Variants in FER observed in about 807,000 individuals in gnomAD.
FER encodes the protein tyrosine-protein kinase Fer.
In FER, 63 loss-of-function variants were observed where a neutral mutation model predicts 111.0. The observed-to-expected ratio is 0.57, with a 90% CI of 0.46 to 0.70. The LOEUF (loss-of-function observed/expected upper bound fraction) is 0.70. Among genes scored for constraint, FER ranks in the 30% least tolerant of loss-of-function variants. The probability of loss-of-function intolerance (pLI) is 0.00; values close to 1 mark genes in which losing one functional copy is unlikely to be tolerated. For missense variants in FER, 914 were observed against 954.0 expected, an observed-to-expected ratio of 0.96 and a Z score of 0.55; for synonymous variants, 327 against 313.9, an observed-to-expected ratio of 1.04 and a Z score of -0.44.
chr5:109,071,725 A>G (rs1055790565), intron 16 of FER, among the ~76,000 whole-genome samples: 1 of 151,864 alleles, frequency 6.6e-6, no homozygotes, highest in East Asian at 1.9e-4. Flanking sequence ...AATTTTTATT[A>G]TGTTTCATTG....
In FER at chr5:108,876,234, T is replaced by C. The variant is rs530480213; in HGVS notation, c.923+4022T>C. Among the ~76,000 whole-genome samples, 9 of 152,338 alleles carry C rather than the reference T, an allele frequency of 5.9e-5. No individual in the cohort carries two copies. In the East Asian group the frequency reaches 1.4e-3, roughly 23 times the overall value. On this transcript the variant is annotated intron_variant, in intron 8 of 19. Coordinates refer to ENST00000281092, the MANE Select transcript of FER (RefSeq NM_005246.4). ...TGGAAAAAAATCAAAGGAAGAATTA[T>C]ATTTTGTGACACACAAAAATTATGT...
In FER at chr5:108,976,977, A is replaced by C. The variant is rs145534926; in HGVS notation, c.1656+17630A>C. On this transcript the variant is annotated intron_variant, in intron 13 of 19. Coordinates refer to ENST00000281092, the MANE Select transcript of FER (RefSeq NM_005246.4). ...TATTCAAGGTTTATGGTATTGCATA[A>C]AACATGATGAAAAATTCACAAGAAC... Among the ~76,000 whole-genome samples the C allele has an allele frequency of 7.9e-5, 12 of 152,318 alleles. No homozygotes were observed. In the East Asian group the frequency reaches 2.3e-3, roughly 29 times the overall value.
chr5:108,911,857 TATG>T (rs1751594750), intron 10 of FER, among the ~76,000 whole-genome samples: 1 of 152,138 alleles, frequency 6.6e-6, no homozygotes, highest in South Asian at 2.1e-4. Flanking sequence ...CAGTTTTAGT[TATG>T]ATATGGTTTG....
chr5:108,845,041 CATATATATAT>C (rs1232663960), intron 5 of FER, among the ~76,000 whole-genome samples: 5 of 46,390 alleles, frequency 1.1e-4, no homozygotes, highest in South Asian at 1.0e-3. Flanking sequence ...TATATATATA[CATATATATAT>C]ATATATATAT....
At chr5:109,097,080 T>C (rs983597656) in intron 16 of FER, among the ~76,000 whole-genome samples, 1 of 151,070 alleles carries the variant, frequency 6.6e-6, no homozygotes, top group Non-Finnish European at 1.5e-5. Context: ...ATACTTTAAA[T>C]ACATTTTAGT....
chr5:109,087,479 ATC>A (rs1777693613), intron 16 of FER, among the ~76,000 whole-genome samples: 1 of 151,834 alleles, frequency 6.6e-6, no homozygotes, highest in Non-Finnish European at 1.5e-5. Flanking sequence ...TTGTTTAAAT[ATC>A]CAACACTGAT....
At chr5:109,124,621 TTTTGC>T (rs1319006564) in intron 17 of FER, among the ~76,000 whole-genome samples, 1 of 151,862 alleles carries the variant, frequency 6.6e-6, no homozygotes, top group African/African-American at 2.4e-5. Context: ...GTTGTTGTTG[TTTTGC>T]TCCCCTTCCT....
intron 4 of FER, among the ~76,000 whole-genome samples, chr5:108,833,873 CAAA>C (rs59216791): frequency 2.9e-5 from 3 of 103,326 alleles, no homozygotes; most frequent in Non-Finnish European, 2.1e-5. Flanking sequence ...GACTCCGTCT[CAAA>C]AAAAAAAAAA....
intron 5 of FER, among the ~76,000 whole-genome samples, chr5:108,847,806 G>A (rs528859347): frequency 7.2e-5 from 11 of 152,086 alleles, no homozygotes; most frequent in East Asian, 1.9e-4. Context: ...TATTCATTCC[G>A]TTTGATATTA....
intron 13 of FER, among the ~76,000 whole-genome samples, chr5:108,983,638 G>A (rs766141977): frequency 6.6e-6 from 1 of 151,992 alleles, no homozygotes; most frequent in Non-Finnish European, 1.5e-5. Flanking sequence ...TAAGTTGAGA[G>A]CAGAGGGAAC....
At chr5:108,790,396 A>G (rs892919801) in intron 2 of FER, among the ~76,000 whole-genome samples, 3 of 152,200 alleles carry the variant, frequency 2.0e-5, no homozygotes, top group Admixed American at 6.5e-5. Context: ...TGTGTAGCTT[A>G]GAGGATATCA....
chr5:108,845,022 A>ATATATG (rs1761814897), intron 5 of FER, among the ~76,000 whole-genome samples: 1 of 52,204 alleles, frequency 1.9e-5, no homozygotes, highest in South Asian at 6.7e-4. Context: ...ATATATATAT[A>ATATATG]TATATATATA....
At chr5:108,879,341 C>G (rs62360790) in intron 8 of FER, among the ~76,000 whole-genome samples, 34,148 of 151,762 alleles carry the variant, frequency 0.23, 4,033 homozygotes, top group African/African-American at 0.28. Context: ...ATAGACCCAT[C>G]ACTGGGTATT....
chr5:108,993,271 CTCTG>C (rs1200154123), intron 13 of FER, among the ~76,000 whole-genome samples: 4 of 152,208 alleles, frequency 2.6e-5, no homozygotes, highest in African/African-American at 9.6e-5. Flanking sequence ...GTGAACGAGA[CTCTG>C]TCTGCAATCC....
chr5:109,113,443 A>G (rs546043282), intron 17 of FER, among the ~76,000 whole-genome samples: 1 of 152,172 alleles, frequency 6.6e-6, no homozygotes, highest in African/African-American at 2.4e-5. Context: ...ATATTACTGG[A>G]TGAAAATGTC....
At chr5:109,003,569 A>C (rs150683658) in intron 13 of FER, among the ~76,000 whole-genome samples, 17,670 of 152,226 alleles carry the variant, frequency 0.12, 1,113 homozygotes, top group Middle Eastern at 0.16. Context: ...ATACATATGT[A>C]ACAAACCTGC....
At chr5:108,802,734 C>A (rs1451609636) in intron 3 of FER, among the ~76,000 whole-genome samples, 1 of 151,978 alleles carries the variant, frequency 6.6e-6, no homozygotes, top group Non-Finnish European at 1.5e-5. Flanking sequence ...TGCATATGTG[C>A]TGCATTTTCT....
rs1248461997 is a variant in FER, at chr5:108,950,204, G to T, written c.1329+3982G>T. Among the ~76,000 whole-genome samples, 5 of 152,216 alleles carry T rather than the reference G, an allele frequency of 3.3e-5. No individual in the cohort carries two copies. In the East Asian group the frequency reaches 7.7e-4, roughly 23 times the overall value. ...CCTGATACTTGAGTTTGGCTTAGTT[G>T]TCTATTTTTGTTTAATACAAGTTTT... On this transcript the variant is annotated intron_variant, in intron 11 of 19. Coordinates refer to ENST00000281092, the MANE Select transcript of FER (RefSeq NM_005246.4).
At chr5:108,828,634 A>G (rs1284493147) in intron 3 of FER, among the ~76,000 whole-genome samples, 1 of 152,144 alleles carries the variant, frequency 6.6e-6, no homozygotes, top group Middle Eastern at 3.2e-3. Context: ...ATTAAAATTC[A>G]GGTATTTTTA....
Sources: allele counts gnomAD v4.1 joint callset (sites outside exome capture counted in the v4.1 genomes callset), GRCh38; gene constraint gnomAD v4.1.1; transcripts MANE v1.5; gene names NCBI Gene and HGNC (gene_info 2026-07-23, HGNC 2026-07-21).